The following SORCS3 variants were observed in gnomAD, a reference collection of about 807,000 sequenced individuals.
SORCS3 encodes sortilin related VPS10 domain containing receptor 3.
SORCS3 carries 57 observed loss-of-function variants against 146.3 expected under a neutral mutation model. The observed-to-expected ratio is 0.39, with a 90% CI of 0.31 to 0.49. SORCS3 has a LOEUF of 0.49. Among genes scored for constraint, SORCS3 ranks in the 20% least tolerant of loss-of-function variants. SORCS3 has a pLI of 0.92. For synonymous variants in SORCS3, 653 were observed against 618.5 expected (o/e 1.06, Z -0.83); for missense variants, 1,341 against 1,575.5 (o/e 0.85, Z 2.52).
intron 19 of SORCS3, among the ~76,000 whole-genome samples, chr10:105,219,029 A>G (rs948562664): frequency 1.3e-5 from 2 of 152,064 alleles, no homozygotes; most frequent in Admixed American, 1.3e-4. Flanking sequence ...AAAAATATAT[A>G]TATATCTTAT....
chr10:104,850,411 C>T (rs141681181), intron 2 of SORCS3, among the ~76,000 whole-genome samples: 62 of 152,274 alleles, frequency 4.1e-4, no homozygotes, highest in African/African-American at 1.4e-3. Context: ...GGTAAAATCC[C>T]GTTTCTACAA....
chr10:105,069,162 T>C (rs758528869), intron 5 of SORCS3, among the ~76,000 whole-genome samples: 1 of 152,208 alleles, frequency 6.6e-6, no homozygotes, highest in Non-Finnish European at 1.5e-5. Flanking sequence ...TCTCCACCCA[T>C]ACCCCACACC....
At chr10:104,719,571 C>T (rs1268705413) in intron 1 of SORCS3, among the ~76,000 whole-genome samples, 4 of 152,140 alleles carry the variant, frequency 2.6e-5, no homozygotes, top group Non-Finnish European at 4.4e-5. Flanking sequence ...TAAATTGCTT[C>T]GCTTCTCTGC....
At chr10:105,231,882 T>C (rs990664962) in intron 20 of SORCS3, among the ~76,000 whole-genome samples, 15 of 152,196 alleles carry the variant, frequency 9.9e-5, no homozygotes, top group African/African-American at 1.7e-4. Flanking sequence ...TAATTTTTTA[T>C]ACATGATTGG....
At chr10:105,201,004 C>A in intron 15 of SORCS3, 116 bp from the exon 16 acceptor site, 1 of 1,083,804 alleles carries the variant, frequency 9.2e-7, no homozygotes. Context: ...GAGAATGAGA[C>A]TGCTACATAA....
At chr10:105,198,056 T>G (rs2056553873) in intron 14 of SORCS3, among the ~76,000 whole-genome samples, 1 of 152,180 alleles carries the variant, frequency 6.6e-6, no homozygotes, top group Non-Finnish European at 1.5e-5. Context: ...GCTCATATTT[T>G]CTCAATCTTT....
intron 1 of SORCS3, among the ~76,000 whole-genome samples, chr10:104,701,912 A>G (rs2016283175): frequency 6.6e-6 from 1 of 151,964 alleles, no homozygotes; most frequent in Non-Finnish European, 1.5e-5. Flanking sequence ...TCATGTTGTT[A>G]TTATGTGAGT....
chr10:104,784,169 G>A (rs1447770454), intron 1 of SORCS3, among the ~76,000 whole-genome samples: 2 of 152,184 alleles, frequency 1.3e-5, no homozygotes, highest in Admixed American at 6.5e-5. Flanking sequence ...GTTCCCCAGA[G>A]CATAGTTGGG....
intron 1 of SORCS3, among the ~76,000 whole-genome samples, chr10:104,690,283 C>A (rs566259449): frequency 6.6e-6 from 1 of 152,128 alleles, no homozygotes. Context: ...GTGGATTTGA[C>A]GGGTCAGTCC....
intron 17 of SORCS3, among the ~76,000 whole-genome samples, chr10:105,211,839 G>A (rs539657440): frequency 2.1e-4 from 32 of 152,264 alleles, no homozygotes; most frequent in East Asian, 7.7e-4. Flanking sequence ...AACCAAGAAC[G>A]GATTTCACAA....
rs974141784 is a variant in SORCS3, at chr10:104,641,473, C to A, written c.146C>A (p.Pro49Gln). 9.5e-6 allele frequency: 14 copies of A among 1,467,136 alleles called. No homozygotes were observed. The highest frequency in any genetic ancestry group is 2.3e-4 in the Middle Eastern group (1 of 4,352). 90.9% of individuals were successfully genotyped at this position (1,467,136 alleles called of 1,614,324 possible). The stretch of plus-strand genomic sequence containing the variant: ...GGCGGTCCCGGACGCCCGGCGGCCC[C>A]GGCTTCGCGGCCACCGGCGTTGTCT... ...ATGGPGRPAA[P>Q]ASRPPALSPL... is the part of the protein sequence containing the mutation. Residue 49 changes from proline (P) to glutamine (Q), a missense_variant, in exon 1 of 27, where the codon CCG becomes CAG. Coordinates refer to ENST00000369701, the MANE Select transcript of SORCS3 (RefSeq NM_014978.3). This position sits in a 1 kb window ranked among gnomAD's most constrained non-coding sequence, Gnocchi z 6.4.
chr10:104,653,840 G>A lies in SORCS3; in HGVS notation c.627+11886G>A, dbSNP rs898269425. 2.0e-5 allele frequency among the ~76,000 whole-genome samples: 3 copies of A among 152,126 alleles called. No homozygotes were observed. In the Middle Eastern group the frequency reaches 0.01, roughly 517 times the overall value. ...TATACTCTTTTAGTTATTTTAAAAT[G>A]TACAATTAAAATTATTATTGACTCT... is the stretch of plus-strand genomic sequence containing the variant. On this transcript the variant is annotated intron_variant, in intron 1 of 26. Coordinates refer to ENST00000369701, the MANE Select transcript of SORCS3 (RefSeq NM_014978.3).
intron 3 of SORCS3, among the ~76,000 whole-genome samples, chr10:104,960,323 T>A (rs2054786567): frequency 6.6e-6 from 1 of 152,180 alleles, no homozygotes; most frequent in Non-Finnish European, 1.5e-5. Context: ...TAGGTTTAGG[T>A]TCCTGTTTTA....
intron 20 of SORCS3, among the ~76,000 whole-genome samples, chr10:105,239,281 G>T (rs2056810009): frequency 6.6e-6 from 1 of 152,170 alleles, no homozygotes; most frequent in Admixed American, 6.5e-5. Flanking sequence ...TATATAATCT[G>T]CTGAAGGTTT....
chr10:105,117,961 C>T (rs867800816), intron 7 of SORCS3, among the ~76,000 whole-genome samples: 1 of 152,116 alleles, frequency 6.6e-6, no homozygotes, highest in African/African-American at 2.4e-5. Flanking sequence ...TCCATCTTTC[C>T]AATATCATCT....
At chr10:105,139,850 C>G (rs188027021) in intron 8 of SORCS3, among the ~76,000 whole-genome samples, 2 of 152,120 alleles carry the variant, frequency 1.3e-5, no homozygotes, top group African/African-American at 4.8e-5. Flanking sequence ...GGAGGACAGA[C>G]GCATAAAAGT....
chr10:104,965,751 G>A (rs2054822799), intron 3 of SORCS3, among the ~76,000 whole-genome samples: 2 of 152,078 alleles, frequency 1.3e-5, no homozygotes, highest in African/African-American at 2.4e-5. Flanking sequence ...CAAGTCCTTT[G>A]CCCATTTTTT....
At chr10:104,755,883 G>T (rs750304254) in intron 1 of SORCS3, among the ~76,000 whole-genome samples, 10 of 152,138 alleles carry the variant, frequency 6.6e-5, no homozygotes, top group Non-Finnish European at 1.3e-4. Flanking sequence ...AAGTCCTTAA[G>T]ATCAAGGACT....
chr10:104,999,175 A>G (rs2055045964), intron 4 of SORCS3, among the ~76,000 whole-genome samples: 2 of 152,104 alleles, frequency 1.3e-5, no homozygotes, highest in Non-Finnish European at 2.9e-5. Flanking sequence ...TAGGTATATA[A>G]TTTATTTTAT....
Sources: gnomAD v4.1 joint callset for allele counts (sites outside exome capture counted in the v4.1 genomes callset) on GRCh38, gnomAD v4.1.1 for gene constraint, Gnocchi (gnomAD v3.1) non-coding constraint, MANE v1.5 for transcripts, NCBI Gene and HGNC (gene_info 2026-07-23, HGNC 2026-07-21) for gene names.